YJU2B: variants seen among roughly 807,000 people sequenced by gnomAD.
YJU2B encodes YJU2 splicing factor homolog B, also known as probable splicing factor YJU2B.
A neutral mutation model predicts 38.0 loss-of-function variants in YJU2B; 18 were observed. That is an observed-to-expected ratio of 0.47 (90% CI 0.33 to 0.70). The LOEUF is 0.70. Ranked by LOEUF, YJU2B falls within the 30% of genes least tolerant of loss-of-function variation. The pLI is 0.02. For synonymous variants in YJU2B, 246 were observed against 225.4 expected (o/e 1.09, Z -0.82); for missense variants, 538 against 556.3 (o/e 0.97, Z 0.33).
rs774602180 is a variant in YJU2B at position 13,756,272 on chromosome 19, A to G, written c.133A>G (p.Ile45Val). 4.3e-6 allele frequency: 7 copies of G among 1,613,804 alleles called. No homozygotes were observed. In the Admixed American group the frequency reaches 1.2e-4, roughly 27 times the overall value. The change falls in exon 4 of 10, where the codon ATC (isoleucine) becomes GTC (valine). Residue 45 changes from isoleucine to valine, a missense_variant. Physicochemically the swap from Ile to Val is conservative, Grantham distance 29 (BLOSUM62 3). Around this residue, in one of 2 missense-constraint regions of YJU2B, gnomAD observed 50 missense variants for 86.9 expected, o/e 0.58. Coordinates refer to ENST00000221554, the MANE Select transcript of YJU2B (RefSeq NM_030818.4). ...RARKLSQGIL[I>V]IRFEMPYNIW... is the part of the protein sequence containing the mutation. Reference sequence around the variant, plus strand: ...TCGGAAGCTGTCACAGGGCATCCTCATCATCCGGTAAGGCCCAGCATCACC... The same window carrying G: ...TCGGAAGCTGTCACAGGGCATCCTCGTCATCCGGTAAGGCCCAGCATCACC...
In YJU2B at chr19:13,739,197, G is replaced by A. The variant is rs367614381; in HGVS notation, c.-202+6912G>A. ...GGGTCTCTCTGTCACCCATACTGAA[G>A]TACCATGGTGCGATCACAGCTCACT... On this transcript the variant is annotated intron_variant, in intron 2 of 10. Transcript: ENST00000586600. 1.0e-3 allele frequency among the ~76,000 whole-genome samples: 153 copies of A among 152,114 alleles called. 3 individuals carry two copies. Among genetic ancestry groups the A allele is most frequent in the African/African-American group, 3.5e-3 (144 of 41,502 alleles).
Position 13,763,286 on chromosome 19 carries a change from C to T in YJU2B, c.*218C>T. The T allele has an allele frequency of 2.0e-6, 1 of 504,438 alleles. No individual in the cohort carries two copies. The highest frequency in any genetic ancestry group is 3.5e-6 in the Non-Finnish European group (1 of 287,494). 31.2% of individuals were successfully genotyped at this position (504,438 alleles called of 1,614,324 possible). The stretch of plus-strand genomic sequence containing the variant: ...GACTCCGTACATTAAAGACCTGTCT[C>T]TTCTTCCCTGTCTTGGGTTGTTAGA... On this transcript the variant is annotated 3_prime_UTR_variant, in exon 10 of 10. Transcript: ENST00000221554.
At chr19:13,740,801 C>G (rs184253152) in intron 2 of YJU2B, among the ~76,000 whole-genome samples, 228 of 152,280 alleles carry the variant, frequency 1.5e-3, no homozygotes, top group African/African-American at 4.1e-3. Context: ...TCCCAAAGTG[C>G]TGGGATTACA....
At chr19:13,760,894 A>G (rs1459780232) in intron 8 of YJU2B, among the ~76,000 whole-genome samples, 3 of 152,000 alleles carry the variant, frequency 2.0e-5, no homozygotes, top group Non-Finnish European at 4.4e-5. Context: ...TCAGCCTCCC[A>G]AGTAGCTGGG....
In YJU2B at chr19:13,763,065, G is replaced by A. The variant is rs1455570586; in HGVS notation, c.1188G>A (p.Glu396=). Residue 396 remains glutamate (E), a synonymous_variant, in exon 10 of 10, where the codon GAG becomes GAA. Coordinates refer to ENST00000221554, the MANE Select transcript of YJU2B (RefSeq NM_030818.4). ...LVADYSDSES[E] ...CGGACTACTCCGACTCGGAGAGTGA[G>A]TGAGCGATCCCCATCCTGGAGACTG... 1 of 1,546,074 alleles carries A rather than the reference G, an allele frequency of 6.5e-7. No homozygotes were observed. Among genetic ancestry groups the A allele is most frequent in the Admixed American group, 1.9e-5 (1 of 52,014 alleles).
intron 7 of YJU2B, 34 bp downstream of exon 7, chr19:13,759,044 T>C (rs779056011): frequency 7.4e-6 from 12 of 1,611,642 alleles, no homozygotes; most frequent in Middle Eastern, 1.6e-4. Flanking sequence ...CTGGGGGCCC[T>C]GGCCCTGAGT....
intron 1 of YJU2B, among the ~76,000 whole-genome samples, chr19:13,751,113 G>A (rs888849701): frequency 1.3e-5 from 2 of 152,036 alleles, no homozygotes; most frequent in African/African-American, 2.4e-5. Context: ...AGAGTGACAC[G>A]TTTGTTCATA....
chr19:13,754,948 C>G (rs1480444537), intron 3 of YJU2B, among the ~76,000 whole-genome samples: 1 of 152,136 alleles, frequency 6.6e-6, no homozygotes, highest in Admixed American at 6.6e-5. Context: ...CTGCCTCGTC[C>G]TGAGTATAGG....
intron 2 of YJU2B, among the ~76,000 whole-genome samples, chr19:13,740,802 T>G (rs1973073932): frequency 6.6e-6 from 1 of 152,222 alleles, no homozygotes; most frequent in African/African-American, 2.4e-5. Context: ...CCCAAAGTGC[T>G]GGGATTACAG....
intron 2 of YJU2B, among the ~76,000 whole-genome samples, chr19:13,735,855 A>G (rs1034187728): frequency 6.6e-6 from 1 of 152,126 alleles, no homozygotes; most frequent in African/African-American, 2.4e-5. Flanking sequence ...GATCGAGGCC[A>G]TCCTGGCTAA....
intron 1 of YJU2B, among the ~76,000 whole-genome samples, chr19:13,748,763 G>A (rs998601229): frequency 6.6e-6 from 1 of 152,168 alleles, no homozygotes; most frequent in Non-Finnish European, 1.5e-5. Flanking sequence ...AGTGGAGCTG[G>A]GATTCAAGCC....
chr19:13,754,332 A>G lies in YJU2B; in HGVS notation c.47A>G (p.Asn16Ser), dbSNP rs1444577617. 1 of 1,613,518 alleles carries G rather than the reference A, an allele frequency of 6.2e-7. No individual in the cohort carries two copies. The highest frequency in any genetic ancestry group is 8.5e-7 in the Non-Finnish European group (1 of 1,179,570). The change falls in exon 3 of 10, where the codon AAC (asparagine) becomes AGC (serine). Residue 16 changes from asparagine (N) to serine (S), a missense_variant. Transcript: ENST00000221554. Reference sequence around the variant, plus strand: ...AACAAGTACTATCCTCCAGACTTCAACCCTGAGAAGGTAAGCAGGCTCTCC... The same window carrying G: ...AACAAGTACTATCCTCCAGACTTCAGCCCTGAGAAGGTAAGCAGGCTCTCC... The part of the protein sequence containing the change: ...GVNKYYPPDF[N>S]PEKHGSLNRY...
chr19:13,750,835 G>A (rs865832352), intron 1 of YJU2B, among the ~76,000 whole-genome samples: 39 of 146,514 alleles, frequency 2.7e-4, no homozygotes, highest in Admixed American at 7.5e-4. Context: ...TCCAGCCTGG[G>A]TGATAGAGTG....
intron 9 of YJU2B, 69 bp from the exon 10 acceptor site, chr19:13,762,521 T>C (rs1042552040): frequency 5.1e-6 from 8 of 1,566,318 alleles, no homozygotes; most frequent in Non-Finnish European, 6.0e-6. Flanking sequence ...GAGTGGACTC[T>C]GGTCTACCAG....
intron 2 of YJU2B, among the ~76,000 whole-genome samples, chr19:13,734,476 G>A (rs1401896883): frequency 2.0e-5 from 3 of 152,050 alleles, no homozygotes; most frequent in Non-Finnish European, 2.9e-5. Flanking sequence ...TTTTAGTAGA[G>A]ACAGAGTTTC....
intron 2 of YJU2B, among the ~76,000 whole-genome samples, chr19:13,742,086 G>C (rs894647633): frequency 3.1e-5 from 4 of 128,664 alleles, no homozygotes; most frequent in African/African-American, 9.3e-5. Context: ...GACGGCCTTT[G>C]TTCACAATGA....
chr19:13,742,843 T>G (rs1404406644), intron 2 of YJU2B, among the ~76,000 whole-genome samples: 1 of 152,214 alleles, frequency 6.6e-6, no homozygotes, highest in Non-Finnish European at 1.5e-5. Flanking sequence ...AAAATCCAGA[T>G]GGACTGAGTG....
At chr19:13,760,601 T>A (rs934016624) in intron 8 of YJU2B, among the ~76,000 whole-genome samples, 3 of 151,972 alleles carry the variant, frequency 2.0e-5, no homozygotes, top group Non-Finnish European at 2.9e-5. Context: ...TTATTTATTT[T>A]TTTTCTTTTT....
intron 8 of YJU2B, among the ~76,000 whole-genome samples, chr19:13,762,036 A>G (rs1473097503): frequency 6.6e-6 from 1 of 152,096 alleles, no homozygotes; most frequent in African/African-American, 2.4e-5. Flanking sequence ...TACAAAAATA[A>G]ATGTTTTAAT....
Sources: gnomAD v4.1 joint callset for allele counts (sites outside exome capture counted in the v4.1 genomes callset) on GRCh38, gnomAD v4.1.1 for gene constraint, gnomAD v4.1.1 regional missense constraint, MANE v1.5 for transcripts, NCBI Gene and HGNC (gene_info 2026-07-23, HGNC 2026-07-21) for gene names.